Variants in RSRP1 observed in about 807,000 individuals in gnomAD.
RSRP1 encodes arginine and serine rich protein 1, also known as arginine/serine-rich protein 1.
In RSRP1, 37 loss-of-function variants were observed where a neutral mutation model predicts 33.0. The ratio of observed to expected loss-of-function variants is 1.12; its 90% CI spans 0.86 to 1.48. The LOEUF (loss-of-function observed/expected upper bound fraction) is 1.48. RSRP1 is among the 40% of genes most tolerant of loss of function. RSRP1 has a pLI of 0.00. For synonymous variants in RSRP1, 167 were observed against 158.7 expected (o/e 1.05, Z -0.40); for missense variants, 402 against 385.3 (o/e 1.04, Z -0.36).
In RSRP1 at chr1:25,280,752, C is replaced by T. The variant is rs1439043843; in HGVS notation, c.-66-33723G>A. On this transcript the variant is annotated intron_variant, in intron 1 of 1. Coordinates refer to the RSRP1 transcript ENST00000561867. Reference sequence around the variant, plus strand: ...TCACCCTCCTGAGTAGCTGGGACTACAGGCACTCGCCACCACGCCCAAGTA... The same window carrying T: ...TCACCCTCCTGAGTAGCTGGGACTATAGGCACTCGCCACCACGCCCAAGTA... Among the ~76,000 whole-genome samples the T allele has an allele frequency of 4.2e-4, 55 of 130,756 alleles. 7 individuals carry two copies. Among genetic ancestry groups the T allele is most frequent in the African/African-American group, 1.4e-3 (54 of 38,258 alleles). 85.8% of individuals were successfully genotyped at this position (130,756 alleles called of 152,430 possible).
In RSRP1 at chr1:25,284,999, C is replaced by T. The variant is rs1484353505; in HGVS notation, c.-66-37970G>A. ...CAAGGAATCCAGGCCTACATTCCTC[C>T]TGCATCCTTTCTTTCCTGTTATTGT... On this transcript the variant is annotated intron_variant, in intron 1 of 1. Transcript: ENST00000561867. 2.2e-4 allele frequency among the ~76,000 whole-genome samples: 30 copies of T among 135,144 alleles called. 9 individuals are homozygous for T. Among genetic ancestry groups the T allele is most frequent in the Non-Finnish European group, 2.3e-4 (13 of 57,064 alleles). 88.7% of individuals were successfully genotyped at this position (135,144 alleles called of 152,430 possible).
chr1:25,330,100 T>A (rs1644969314), intron 1 of RSRP1: 1 of 132,814 alleles, frequency 7.5e-6, no homozygotes, highest in African/African-American at 2.6e-5. Context: ...TGGCAGTGTT[T>A]AAATGCTCTT....
At position 25,334,716 on chromosome 1, in the gene RSRP1, T is replaced by G. The variant is rs1304294155; in HGVS notation, c.-67+3262A>C. ...TCCAAACCCCAGTTCTTGACTTCTG[T>G]GCACTCGCAGTCTCAACACCACATG... On this transcript the variant is annotated intron_variant, in intron 1 of 1. Coordinates refer to the RSRP1 transcript ENST00000561867. Among the ~76,000 whole-genome samples, 3 of 133,060 alleles carry G rather than the reference T, an allele frequency of 2.3e-5. 1 individual carries two copies. Among genetic ancestry groups the G allele is most frequent in the Non-Finnish European group, 5.3e-5 (3 of 56,120 alleles). The allele number at this position is 133,060 out of a possible 152,430, so 87.3% of individuals were successfully genotyped here.
At position 25,246,670 on chromosome 1, in the gene RSRP1, G is replaced by A. The variant is rs771369988; in HGVS notation, c.294C>T (p.Tyr98=). ...ACCGGTAGTATCTCCTGGTGAACCC[G>A]TAGCGCCTCTCTCGGTAACGGCGGC... ...SRSRRYRERR[Y]GFTRRYYRSP... Residue 98 remains tyrosine (Y), a synonymous_variant, in exon 2 of 5, where the codon TAC becomes TAT. Coordinates refer to ENST00000243189, the MANE Select transcript of RSRP1 (RefSeq NM_020317.5). The A allele has an allele frequency of 6.2e-7, 1 of 1,611,692 alleles. No individual in the cohort carries two copies. The highest frequency in any genetic ancestry group is 1.7e-5 in the Admixed American group (1 of 59,994).
In RSRP1 at chr1:25,277,967, C is replaced by T. The variant is rs547756673; in HGVS notation, c.-66-30938G>A. 3.0e-5 allele frequency among the ~76,000 whole-genome samples: 4 copies of T among 133,056 alleles called. No individual in the cohort carries two copies. In the East Asian group the frequency reaches 7.8e-4, roughly 26 times the overall value. 87.3% of individuals were successfully genotyped at this position (133,056 alleles called of 152,430 possible). ...GGGATTACAGGCGTGAGCCACCGCG[C>T]CTGGCCCAAAAGCTTTAATTTCTTA... is the stretch of plus-strand genomic sequence containing the variant. On this transcript the variant is annotated intron_variant, in intron 1 of 1. Transcript: ENST00000561867.
intron 1 of RSRP1, among the ~76,000 whole-genome samples, chr1:25,320,444 A>C (rs1294038262): frequency 7.6e-6 from 1 of 132,258 alleles, no homozygotes; most frequent in Non-Finnish European, 1.8e-5. Context: ...TGGAAAATTC[A>C]TGCAGGCGCC....
chr1:25,310,991 A>T (rs1303042924), intron 1 of RSRP1, among the ~76,000 whole-genome samples: 3 of 130,476 alleles, frequency 2.3e-5, no homozygotes, highest in African/African-American at 7.8e-5. Flanking sequence ...AAAAAAAAGA[A>T]AGAAAAAGAA....
intron 3 of RSRP1, chr1:25,244,259 C>T (rs1011443908): frequency 7.0e-6 from 9 of 1,289,052 alleles, no homozygotes; most frequent in South Asian, 1.2e-5. Flanking sequence ...AAAGGGACAT[C>T]TTTTTCACAG....
chr1:25,243,788 C>T lies in RSRP1; in HGVS notation c.673-155G>A, dbSNP rs900749762. ...TAAGTAACAGAACTATTGAGTTTTCCCCTTAACAAAACTGATTTAATATTA... is the reference window on the plus strand; with the variant it reads ...TAAGTAACAGAACTATTGAGTTTTCTCCTTAACAAAACTGATTTAATATTA... On this transcript the variant is annotated intron_variant, in intron 3 of 4. Coordinates refer to ENST00000243189, the MANE Select transcript of RSRP1 (RefSeq NM_020317.5). The T allele has an allele frequency of 2.9e-6, 4 of 1,383,112 alleles. No individual in the cohort carries two copies. In the African/African-American group the frequency reaches 5.8e-5, roughly 20 times the overall value. 85.7% of individuals were successfully genotyped at this position (1,383,112 alleles called of 1,614,324 possible). A position where few individuals can be genotyped will look rare whatever the true frequency, so the allele number is the denominator to read the frequency against.
chr1:25,290,698 G>A, intron 1 of RSRP1: 1 of 1,378,026 alleles, frequency 7.3e-7, no homozygotes, highest in Non-Finnish European at 1.0e-6. Context: ...ATGCTGTCTT[G>A]GGGAAGGTCA....
Position 25,332,531 on chromosome 1 carries a change from C to T in RSRP1, c.-67+5447G>A, listed in dbSNP as rs1007187979. Among the ~76,000 whole-genome samples the T allele has an allele frequency of 8.3e-5, 11 of 131,902 alleles. 2 individuals are homozygous for T. The highest frequency in any genetic ancestry group is 2.8e-4 in the African/African-American group (11 of 38,684). 86.5% of individuals were successfully genotyped at this position (131,902 alleles called of 152,430 possible). On this transcript the variant is annotated intron_variant, in intron 1 of 1. Transcript: ENST00000561867. The stretch of plus-strand genomic sequence containing the variant: ...ATTAGAAATTAAAAAAAAATGGCTA[C>T]TTTCAAAGACATCTTGGAGTTCAGG...
Position 25,243,622 on chromosome 1 carries a change from CT to C in RSRP1, c.683del (p.Lys228ArgfsTer2). 1.2e-6 allele frequency: 2 copies of C among 1,613,388 alleles called. No homozygotes were observed. The highest frequency in any genetic ancestry group is 8.5e-7 in the Non-Finnish European group (1 of 1,179,590). ...SNGAKPELSE[K>X]VTEDGTRNPN... ...GATTTCGAGTTCCATCTTCTGTTACCTTTTCCGACAGCTAGACAGGTTAAGA... is the reference window on the plus strand; with the variant it reads ...GATTTCGAGTTCCATCTTCTGTTACCTTTCCGACAGCTAGACAGGTTAAGA... On this transcript the variant is annotated frameshift_variant, in exon 4 of 5. Coordinates refer to ENST00000243189, the MANE Select transcript of RSRP1 (RefSeq NM_020317.5). LOFTEE classifies it high-confidence loss of function.
chr1:25,280,170 A>T (rs143075339), intron 1 of RSRP1, among the ~76,000 whole-genome samples: 3,310 of 128,672 alleles, frequency 0.026, 885 homozygotes, highest in Non-Finnish European at 0.045. Flanking sequence ...GCTGAGGCAC[A>T]ATTCCTCTCT....
At chr1:25,282,415 A>T (rs1241331066) in intron 1 of RSRP1, among the ~76,000 whole-genome samples, 1 of 130,374 alleles carries the variant, frequency 7.7e-6, no homozygotes, top group Non-Finnish European at 1.8e-5. Context: ...TTGTAATTTT[A>T]GTAGAGACGG....
chr1:25,255,516 C>T (rs1481794405), intron 1 of RSRP1, among the ~76,000 whole-genome samples: 2 of 152,138 alleles, frequency 1.3e-5, no homozygotes, highest in Admixed American at 1.3e-4. Flanking sequence ...GAGCAGCAGT[C>T]CCCAACCCTT....
At chr1:25,262,374 T>C (rs191679825) in intron 1 of RSRP1, among the ~76,000 whole-genome samples, 31 of 152,324 alleles carry the variant, frequency 2.0e-4, no homozygotes, top group Non-Finnish European at 2.9e-4. Flanking sequence ...GAAACTTGTA[T>C]TCTAATGGAA....
Position 25,319,689 on chromosome 1 carries a change from C to A in RSRP1, c.-67+18289G>T, listed in dbSNP as rs187421005. On this transcript the variant is annotated intron_variant, in intron 1 of 1. Coordinates refer to the RSRP1 transcript ENST00000561867. ...GCCAAAATTGCACCAAATGGACTCC[C>A]AGAAGACAAGCATTTAATTTGTTAA... 3.0e-4 allele frequency among the ~76,000 whole-genome samples: 40 copies of A among 132,150 alleles called. 6 individuals carry two copies. The highest frequency in any genetic ancestry group is 1.0e-3 in the African/African-American group (39 of 38,868). 86.7% of individuals were successfully genotyped at this position (132,150 alleles called of 152,430 possible).
chr1:25,312,920 TAAAAAAAAAAAA>T (rs58027687), intron 1 of RSRP1, among the ~76,000 whole-genome samples: 414 of 6,854 alleles, frequency 0.06, 23 homozygotes, highest in African/African-American at 0.1. Flanking sequence ...ATCCCATCTC[TAAAAAAAAAAAA>T]AAAAAAAAAA....
chr1:25,254,252 T>C (rs1274147970), intron 1 of RSRP1, among the ~76,000 whole-genome samples: 1 of 152,154 alleles, frequency 6.6e-6, no homozygotes, highest in Non-Finnish European at 1.5e-5. Context: ...TTTCCTGGGT[T>C]GATAGCTGTA....
Sources: allele counts gnomAD v4.1 joint callset (sites outside exome capture counted in the v4.1 genomes callset), GRCh38; gene constraint gnomAD v4.1.1; transcripts MANE v1.5; gene names NCBI Gene and HGNC (gene_info 2026-07-23, HGNC 2026-07-21).